MOK: variants seen among roughly 807,000 people sequenced by gnomAD.
MOK encodes MOK protein kinase.
Under a neutral mutation model 54.2 loss-of-function variants are expected in MOK, and 59 were observed. That is an observed-to-expected ratio of 1.09 (90% CI 0.88 to 1.35). The LOEUF is 1.35. MOK is among the 40% of genes most tolerant of loss of function. The probability of loss-of-function intolerance (pLI) is 0.00; values close to 1 mark genes in which losing one functional copy is unlikely to be tolerated. For synonymous variants in MOK, 210 were observed against 202.7 expected (o/e 1.04, Z -0.31); for missense variants, 517 against 526.2 (o/e 0.98, Z 0.17).
rs2153079472 is a variant in MOK, at chr14:102,229,268, C to T, written c.*21G>A. 2 of 1,568,468 alleles carry T rather than the reference C, an allele frequency of 1.3e-6. No homozygotes were observed. Among genetic ancestry groups the T allele is most frequent in the East Asian group, 2.2e-5 (1 of 44,478 alleles). On this transcript the variant is annotated 3_prime_UTR_variant, in exon 12 of 12. Coordinates refer to ENST00000361847, the MANE Select transcript of MOK (RefSeq NM_014226.3). ...TCGGGCTTGGTGTTGCCTCCGAAGT[C>T]GAGACGACGGTGCTGCTCAGTTATC... is the stretch of plus-strand genomic sequence containing the variant.
intron 2 of MOK, among the ~76,000 whole-genome samples, chr14:102,270,809 A>G (rs950652938): frequency 1.3e-5 from 2 of 152,188 alleles, no homozygotes; most frequent in African/African-American, 2.4e-5. Flanking sequence ...AGATGATGAA[A>G]GTGTTCTAAA....
chr14:102,283,833 C>T (rs1304108502), intron 1 of MOK, among the ~76,000 whole-genome samples: 2 of 152,038 alleles, frequency 1.3e-5, no homozygotes, highest in Non-Finnish European at 2.9e-5. Context: ...TGGATCCTGG[C>T]CAGTGAGGAG....
At chr14:102,217,285 A>G in the MOK span, among the ~76,000 whole-genome samples, 1 of 152,190 alleles carries the variant, frequency 6.6e-6, no homozygotes, top group Non-Finnish European at 1.5e-5. Flanking sequence ...CGGGATCACG[A>G]TGAAGGCCCA....
chr14:102,294,887 C>T (rs543792154), intron 1 of MOK, among the ~76,000 whole-genome samples: 4 of 152,256 alleles, frequency 2.6e-5, no homozygotes, highest in African/African-American at 7.2e-5. Flanking sequence ...TGGAACTTGC[C>T]GCACTGGAGG....
Position 102,240,125 on chromosome 14 carries a change from T to TCCGCC in MOK, c.591-6337_591-6336insGGCGG, listed in dbSNP as rs2065590930. ...CCACACTGAGCACCTTGTGATCCCC[T>TCCGCC]AGCCCCTGCCCGCCAGAGAACAACC... On this transcript the variant is annotated intron_variant, in intron 7 of 11. Transcript: ENST00000361847. This position sits in a 1 kb window ranked among gnomAD's most constrained non-coding sequence, Gnocchi z 5.4. 6.6e-6 allele frequency among the ~76,000 whole-genome samples: 1 copy of TCCGCC among 152,154 alleles called. No homozygotes were observed. The highest frequency in any genetic ancestry group is 2.4e-5 in the African/African-American group (1 of 41,444).
rs1291280241 is a variant in MOK, at chr14:102,229,501, C to G, written c.1138G>C (p.Val380Leu). ...CACTTCAAGGGTCTCAGCACCGGCA[C>G]TCTTCCATTTGTTCCAGATCCAAGC... ...SVLGSGTNGR[V>L]PVLRPLKCIP... Residue 380 changes from valine to leucine, a missense_variant, in exon 11 of 12, where the codon GTG becomes CTG. Physicochemically the swap from Val to Leu is conservative, Grantham distance 32. Transcript: ENST00000361847. The G allele has an allele frequency of 4.3e-6, 7 of 1,614,086 alleles. No homozygotes were observed. The highest frequency in any genetic ancestry group is 5.9e-6 in the Non-Finnish European group (7 of 1,180,054).
rs183863290 is a variant in MOK, at chr14:102,249,791, C to T, written c.590+1021G>A. 6.6e-6 allele frequency among the ~76,000 whole-genome samples: 1 copy of T among 152,332 alleles called. No homozygotes were observed. The highest frequency in any genetic ancestry group is 2.4e-5 in the African/African-American group (1 of 41,574). Reference sequence around the variant, plus strand: ...CCACAAATAATATTTAAAAATACAGCTCTGGTAGTAGGCCTAGCTTCTATT... The same window carrying T: ...CCACAAATAATATTTAAAAATACAGTTCTGGTAGTAGGCCTAGCTTCTATT... On this transcript the variant is annotated intron_variant, in intron 7 of 11. Transcript: ENST00000361847. This position sits in a 1 kb window ranked among gnomAD's most constrained non-coding sequence, Gnocchi z 5.3.
chr14:102,292,909 A>G (rs1486856594), intron 1 of MOK, among the ~76,000 whole-genome samples: 3 of 151,924 alleles, frequency 2.0e-5, no homozygotes, highest in Non-Finnish European at 2.9e-5. Context: ...TGAGGTGGGC[A>G]GATCACCTGA....
rs1042829601 is a variant in MOK, at chr14:102,304,878, C to T, written c.7+84G>A. 3.9e-5 allele frequency: 58 copies of T among 1,475,262 alleles called. No individual in the cohort carries two copies. In the East Asian group the frequency reaches 1.3e-3, roughly 34 times the overall value. The allele number at this position is 1,475,262 out of a possible 1,614,324, so 91.4% of individuals were successfully genotyped here. A position where few individuals can be genotyped will look rare whatever the true frequency, so the allele number is the denominator to read the frequency against. ...GCGACGACGCCCGGCCCCACAGGCCCCTCAAGCTCCTCAAGCTCCCCCAGT... is the reference window on the plus strand; with the variant it reads ...GCGACGACGCCCGGCCCCACAGGCCTCTCAAGCTCCTCAAGCTCCCCCAGT... On this transcript the variant is annotated intron_variant, in intron 1 of 11. Transcript: ENST00000361847.
At chr14:102,221,365 T>C (rs573488903), downstream of MOK, among the ~76,000 whole-genome samples, 2 of 152,322 alleles carry the variant, frequency 1.3e-5, no homozygotes, top group Admixed American at 6.5e-5. The surrounding 1 kb of genome is among the most constrained non-coding windows in gnomAD (Gnocchi z 4.8). Flanking sequence ...AAGCACTTTC[T>C]TAGGGTGCGC....
rs1024176146 is a variant in MOK at position 102,249,878 on chromosome 14, C to G, written c.590+934G>C. ...GGAGGAAATGCGGGTGAGCAGGAAACAGCTCCAAGTGGGGAGATGAGTGCC... is the reference window on the plus strand; with the variant it reads ...GGAGGAAATGCGGGTGAGCAGGAAAGAGCTCCAAGTGGGGAGATGAGTGCC... On this transcript the variant is annotated intron_variant, in intron 7 of 11. Coordinates refer to ENST00000361847, the MANE Select transcript of MOK (RefSeq NM_014226.3). This position sits in a 1 kb window ranked among gnomAD's most constrained non-coding sequence, Gnocchi z 5.3. Among the ~76,000 whole-genome samples the G allele has an allele frequency of 3.3e-5, 5 of 152,172 alleles. No homozygotes were observed. The highest frequency in any genetic ancestry group is 1.2e-4 in the African/African-American group (5 of 41,432).
downstream of MOK, chr14:102,226,075 A>C: frequency 1.9e-6 from 1 of 539,948 alleles, no homozygotes; most frequent in Non-Finnish European, 3.3e-6. The surrounding 1 kb of genome is among the most constrained non-coding windows in gnomAD (Gnocchi z 4.8). Context: ...AGCAGAGCAG[A>C]TGGGAGGTCA....
intron 7 of MOK, among the ~76,000 whole-genome samples, chr14:102,234,616 G>A (rs1371337874): frequency 6.6e-6 from 1 of 152,034 alleles, no homozygotes; most frequent in East Asian, 1.9e-4. Flanking sequence ...CATTCACTAT[G>A]GGAGCCTCTC....
At chr14:102,234,099 G>A (rs936206641) in intron 7 of MOK, 18 of 254,186 alleles carry the variant, frequency 7.1e-5, no homozygotes, top group African/African-American at 6.7e-5. Flanking sequence ...TTAAGCGGCC[G>A]GTGGCAGGTT....
At chr14:102,286,912 A>AAAT (rs56108099) in intron 1 of MOK, among the ~76,000 whole-genome samples, 27,926 of 145,330 alleles carry the variant, frequency 0.19, 3,144 homozygotes, top group African/African-American at 0.32. Flanking sequence ...TCCGTCTCAA[A>AAAT]AATAATAATA....
intron 1 of MOK, among the ~76,000 whole-genome samples, chr14:102,299,193 C>T (rs1348316674): frequency 2.0e-5 from 3 of 152,160 alleles, no homozygotes; most frequent in Non-Finnish European, 2.9e-5. Flanking sequence ...GTTTAAACCT[C>T]ATTGTAATTA....
intron 1 of MOK, among the ~76,000 whole-genome samples, chr14:102,289,102 ACCATGTTGC>A (rs559029443): frequency 2.8e-4 from 42 of 152,160 alleles, no homozygotes; most frequent in African/African-American, 1.0e-3. Flanking sequence ...ACAGGATTTC[ACCATGTTGC>A]CCAGGCTGGT....
rs2064409586 is a variant in MOK at position 102,229,224 on chromosome 14, T to C, written c.*65A>G. 2.0e-6 allele frequency: 3 copies of C among 1,472,526 alleles called. No individual in the cohort carries two copies. The highest frequency in any genetic ancestry group is 2.8e-6 in the Non-Finnish European group (3 of 1,089,366). 91.2% of individuals were successfully genotyped at this position (1,472,526 alleles called of 1,614,324 possible). A position where few individuals can be genotyped will look rare whatever the true frequency, so the allele number is the denominator to read the frequency against. On this transcript the variant is annotated 3_prime_UTR_variant, in exon 12 of 12. Transcript: ENST00000361847. Reference sequence around the variant, plus strand: ...CCCTCCGTGGCGTCTCAGCAGCAGATCACCCAGGCCTGGCCCGGTCGGGCT... The same window carrying C: ...CCCTCCGTGGCGTCTCAGCAGCAGACCACCCAGGCCTGGCCCGGTCGGGCT...
At chr14:102,229,807 C>T in intron 10 of MOK, 150 bp from the exon 11 acceptor site, 1 of 734,432 alleles carries the variant, frequency 1.4e-6, no homozygotes, top group Non-Finnish European at 2.2e-6. Flanking sequence ...AGGTCCCAGA[C>T]ACCCCAAGGG....
Sources: gnomAD v4.1 joint callset for allele counts (sites outside exome capture counted in the v4.1 genomes callset) on GRCh38, gnomAD v4.1.1 for gene constraint, Gnocchi (gnomAD v3.1) non-coding constraint, MANE v1.5 for transcripts, NCBI Gene and HGNC (gene_info 2026-07-23, HGNC 2026-07-21) for gene names.